Variants in BRINP3 observed in about 807,000 individuals in gnomAD.
The protein encoded by BRINP3 is BMP/retinoic acid inducible neural specific 3.
Under a neutral mutation model 71.0 loss-of-function variants are expected in BRINP3, and 19 were observed. The ratio of observed to expected loss-of-function variants is 0.27; its 90% CI spans 0.19 to 0.39. The LOEUF (loss-of-function observed/expected upper bound fraction) is 0.39. BRINP3 is among the 10% of genes least tolerant of loss of function. BRINP3 has a pLI of 1.00. For synonymous variants in BRINP3, 380 were observed against 337.7 expected (o/e 1.13, Z -1.37); for missense variants, 959 against 940.8 (o/e 1.02, Z -0.25).
At chr1:190,406,496 AAT>A (rs1672293043) in intron 2 of BRINP3, among the ~76,000 whole-genome samples, 1 of 152,214 alleles carries the variant, frequency 6.6e-6, no homozygotes, top group Non-Finnish European at 1.5e-5. Flanking sequence ...AGTGATATAA[AAT>A]AGAGTACATT....
chr1:190,135,146 C>T (rs1031839634), intron 7 of BRINP3, among the ~76,000 whole-genome samples: 1 of 152,068 alleles, frequency 6.6e-6, no homozygotes, highest in Non-Finnish European at 1.5e-5. Context: ...CAAAGCATTA[C>T]TGCATTTGTG....
intron 7 of BRINP3, among the ~76,000 whole-genome samples, chr1:190,124,710 T>A (rs1466576416): frequency 2.0e-5 from 3 of 152,032 alleles, no homozygotes; most frequent in Non-Finnish European, 4.4e-5. Flanking sequence ...TTTTGAATCA[T>A]ATCAAAGCTT....
chr1:190,441,504 G>A (rs1674816714), intron 2 of BRINP3, among the ~76,000 whole-genome samples: 1 of 151,920 alleles, frequency 6.6e-6, no homozygotes, highest in Non-Finnish European at 1.5e-5. Flanking sequence ...GTTGAAATTT[G>A]TCTAATTATT....
At chr1:190,296,927 A>G (rs1664295543) in intron 2 of BRINP3, among the ~76,000 whole-genome samples, 1 of 152,134 alleles carries the variant, frequency 6.6e-6, no homozygotes, top group Non-Finnish European at 1.5e-5. Context: ...ATGAAAAATT[A>G]TCCAATGTTT....
intron 2 of BRINP3, among the ~76,000 whole-genome samples, chr1:190,431,572 G>C (rs772394191): frequency 6.6e-6 from 1 of 152,056 alleles, no homozygotes; most frequent in African/African-American, 2.4e-5. Context: ...GGCCAGGCTG[G>C]TGTCAAACTC....
intron 2 of BRINP3, among the ~76,000 whole-genome samples, chr1:190,431,949 G>A (rs544272414): frequency 1.3e-5 from 2 of 152,014 alleles, no homozygotes; most frequent in South Asian, 4.1e-4. Context: ...CTAAACTTAC[G>A]ACCTCTAATG....
chr1:190,469,141 A>G (rs948254191), intron 1 of BRINP3, among the ~76,000 whole-genome samples: 1 of 151,058 alleles, frequency 6.6e-6, no homozygotes. Context: ...GATATTTAGG[A>G]AAAAATTACA....
At chr1:190,254,230 G>C (rs1230486815) in intron 4 of BRINP3, among the ~76,000 whole-genome samples, 5 of 151,926 alleles carry the variant, frequency 3.3e-5, no homozygotes, top group Admixed American at 1.3e-4. Context: ...TTTTTGCTTA[G>C]GATTGTCTTG....
intron 2 of BRINP3, among the ~76,000 whole-genome samples, chr1:190,291,437 T>C (rs1663857196): frequency 6.6e-6 from 1 of 151,908 alleles, no homozygotes; most frequent in Admixed American, 6.6e-5. Context: ...GGTGCTAAAA[T>C]AAATCAATAA....
At chr1:190,227,244 A>G (rs529851335) in intron 5 of BRINP3, among the ~76,000 whole-genome samples, 39 of 151,960 alleles carry the variant, frequency 2.6e-4, no homozygotes, top group African/African-American at 4.1e-4. Flanking sequence ...AAAAAAATCA[A>G]TGTTGACCCT....
chr1:190,228,672 C>G (rs1280679159), intron 5 of BRINP3, among the ~76,000 whole-genome samples: 1 of 151,890 alleles, frequency 6.6e-6, no homozygotes, highest in South Asian at 2.1e-4. Context: ...GGACGCAGCG[C>G]TCAAAACACT....
intron 6 of BRINP3, among the ~76,000 whole-genome samples, chr1:190,206,092 TAA>T (rs1431460489): frequency 6.6e-6 from 1 of 152,084 alleles, no homozygotes; most frequent in African/African-American, 2.4e-5. Context: ...ATCCATTGTT[TAA>T]AAGACACTTG....
chr1:190,320,158 A>G (rs559123862), intron 2 of BRINP3, among the ~76,000 whole-genome samples: 25 of 152,086 alleles, frequency 1.6e-4, no homozygotes, highest in Admixed American at 8.5e-4. Flanking sequence ...AACTTCCTAC[A>G]GTATATTTCT....
intron 2 of BRINP3, among the ~76,000 whole-genome samples, chr1:190,392,463 G>C (rs1671312196): frequency 6.6e-6 from 1 of 151,580 alleles, no homozygotes; most frequent in South Asian, 2.1e-4. Context: ...TGGTTACTCA[G>C]CTCAGACATA....
Position 190,097,939 on chromosome 1 carries a change from A to G in BRINP3, c.*79T>C, listed in dbSNP as rs928639437. On this transcript the variant is annotated 3_prime_UTR_variant, in exon 8 of 8. Transcript: ENST00000367462. ...GATATTGAAAAGACAATTTAAATTT[A>G]CTCTTCCAAACATAAACTGTTCCAC... is the stretch of plus-strand genomic sequence containing the variant. 1.4e-5 allele frequency: 19 copies of G among 1,407,200 alleles called. No individual in the cohort carries two copies. In the African/African-American group the frequency reaches 2.5e-4, roughly 18 times the overall value. 87.2% of individuals were successfully genotyped at this position (1,407,200 alleles called of 1,614,324 possible). A position where few individuals can be genotyped will look rare whatever the true frequency, so the allele number is the denominator to read the frequency against.
chr1:190,151,951 GA>G (rs1237010010), intron 7 of BRINP3, among the ~76,000 whole-genome samples: 2 of 152,074 alleles, frequency 1.3e-5, no homozygotes, highest in African/African-American at 2.4e-5. Context: ...GGCATTTAAG[GA>G]AGTAGAAATT....
chr1:190,184,155 T>C lies in BRINP3; in HGVS notation c.962-23265A>G, dbSNP rs1360237438. 2.0e-5 allele frequency among the ~76,000 whole-genome samples: 3 copies of C among 152,202 alleles called. No individual in the cohort carries two copies. In the East Asian group the frequency reaches 5.8e-4, roughly 29 times the overall value. On this transcript the variant is annotated intron_variant, in intron 6 of 7. Transcript: ENST00000367462. ...CTATAGTCCTTCTCCAGAATGTGAA[T>C]GTCTCTGCACTTCTTAAAGTCTCAT... is the stretch of plus-strand genomic sequence containing the variant.
chr1:190,349,346 A>G (rs1381745496), intron 2 of BRINP3, among the ~76,000 whole-genome samples: 1 of 152,050 alleles, frequency 6.6e-6, no homozygotes, highest in Non-Finnish European at 1.5e-5. Flanking sequence ...AAGAGTGGAG[A>G]GTGAGTCAGT....
chr1:190,391,793 G>A lies in BRINP3; in HGVS notation c.236+62862C>T, dbSNP rs564117098. ...AAACGAGGCTTACCAGATTATTAGT[G>A]TCAGTGCTAGAGACCAAAACATGCC... On this transcript the variant is annotated intron_variant, in intron 2 of 7. Coordinates refer to ENST00000367462, the MANE Select transcript of BRINP3 (RefSeq NM_199051.3). Among the ~76,000 whole-genome samples the A allele has an allele frequency of 4.0e-5, 6 of 151,832 alleles. No homozygotes were observed. In the South Asian group the frequency reaches 1.2e-3, roughly 31 times the overall value.
Sources: allele counts gnomAD v4.1 joint callset (sites outside exome capture counted in the v4.1 genomes callset), GRCh38; gene constraint gnomAD v4.1.1; transcripts MANE v1.5; gene names NCBI Gene and HGNC (gene_info 2026-07-23, HGNC 2026-07-21).